Variants in MPPE1 observed in about 807,000 individuals in gnomAD.
MPPE1 encodes the protein metallo phosphoesterase.
Under a neutral mutation model 43.8 loss-of-function variants are expected in MPPE1, and 28 were observed. The ratio of observed to expected loss-of-function variants is 0.64; its 90% CI spans 0.47 to 0.88. The LOEUF (loss-of-function observed/expected upper bound fraction) is 0.88, where lower values mean the gene tolerates loss of function less well. Ranked by LOEUF, MPPE1 falls within the 40% of genes least tolerant of loss-of-function variation. The probability of loss-of-function intolerance (pLI) is 0.00; values close to 1 mark genes in which losing one functional copy is unlikely to be tolerated. For synonymous variants in MPPE1, 159 were observed against 188.5 expected (o/e 0.84, Z 1.28); for missense variants, 428 against 492.2 (o/e 0.87, Z 1.23).
At position 11,883,052 on chromosome 18, in the gene MPPE1, C is replaced by T. The variant is rs2036750090; in HGVS notation, c.*1393G>A. The T allele has an allele frequency of 6.6e-6, 1 of 151,580 alleles. No homozygotes were observed. The highest frequency in any genetic ancestry group is 6.6e-5 in the Admixed American group (1 of 15,178). The allele number at this position is 151,580 out of a possible 1,614,324, so 9.4% of individuals were successfully genotyped here. ...GACAGCCTACATTACTTCATTATTA[C>T]TCTTCTTTTAGTCTTTAGTCTTTAA... On this transcript the variant is annotated 3_prime_UTR_variant, in exon 11 of 11. Coordinates refer to ENST00000588072, the MANE Select transcript of MPPE1 (RefSeq NM_023075.6).
In MPPE1 at chr18:11,885,090, G is replaced by A. The variant is rs113926454; in HGVS notation, c.1009-463C>T. The A allele has an allele frequency of 3.5e-3, 4,328 of 1,253,034 alleles. 16 individuals are homozygous for A. Among genetic ancestry groups the A allele is most frequent in the African/African-American group, 0.016 (1,010 of 64,308 alleles). 77.6% of individuals were successfully genotyped at this position (1,253,034 alleles called of 1,614,324 possible). On this transcript the variant is annotated intron_variant, in intron 10 of 10. Transcript: ENST00000588072. ...TCGTCTCCATGGGCTTTTCTTTGCA[G>A]ATACTTTTATGTGGAACAACAGTGG... is the stretch of plus-strand genomic sequence containing the variant.
chr18:11,884,690 A>G, intron 10 of MPPE1, 63 bp from the exon 11 acceptor site: 1 of 1,528,666 alleles, frequency 6.5e-7, no homozygotes, highest in South Asian at 1.2e-5. Context: ...CCGCAGTCTT[A>G]GAAACAGCAG....
chr18:11,890,994 A>AT (rs553374940), intron 4 of MPPE1, among the ~76,000 whole-genome samples: 418 of 152,202 alleles, frequency 2.7e-3, no homozygotes, highest in African/African-American at 9.4e-3. Flanking sequence ...TGTAGTTCTT[A>AT]TTTTATAAAG....
rs2036843612 is a variant in MPPE1 at position 11,884,219 on chromosome 18, A to G, written c.*226T>C. 1.9e-6 allele frequency: 1 copy of G among 523,710 alleles called. No individual in the cohort carries two copies. Among genetic ancestry groups the G allele is most frequent in the Non-Finnish European group, 3.4e-6 (1 of 291,474 alleles). 32.4% of individuals were successfully genotyped at this position (523,710 alleles called of 1,614,324 possible). On this transcript the variant is annotated 3_prime_UTR_variant, in exon 11 of 11. Coordinates refer to ENST00000588072, the MANE Select transcript of MPPE1 (RefSeq NM_023075.6). ...CAACCTTTGATGATACATATATTTGATAAAAATGAGAAAACAGATTTGTTG... is the reference window on the plus strand; with the variant it reads ...CAACCTTTGATGATACATATATTTGGTAAAAATGAGAAAACAGATTTGTTG...
intron 4 of MPPE1, among the ~76,000 whole-genome samples, chr18:11,890,960 A>G (rs926066831): frequency 1.3e-5 from 2 of 152,244 alleles, no homozygotes; most frequent in African/African-American, 4.8e-5. Context: ...TGCTTTAACT[A>G]TTAAAACTTC....
intron 2 of MPPE1, among the ~76,000 whole-genome samples, chr18:11,903,482 G>A (rs1165312184): frequency 1.3e-5 from 2 of 152,168 alleles, no homozygotes; most frequent in Admixed American, 6.5e-5. Flanking sequence ...CCAGAAGTGG[G>A]TCAGCCTATA....
chr18:11,899,676 G>A (rs957732003), intron 2 of MPPE1, among the ~76,000 whole-genome samples: 1 of 152,166 alleles, frequency 6.6e-6, no homozygotes, highest in Non-Finnish European at 1.5e-5. Flanking sequence ...GAGTTCAGAT[G>A]TCAGAGAAGC....
chr18:11,894,517 G>C (rs1449610402), intron 3 of MPPE1, among the ~76,000 whole-genome samples: 1 of 150,384 alleles, frequency 6.6e-6, no homozygotes, highest in African/African-American at 2.4e-5. Context: ...CCATTGAAAA[G>C]CTGTGAGGCT....
At chr18:11,899,869 G>T (rs2038959714) in intron 2 of MPPE1, among the ~76,000 whole-genome samples, 1 of 152,208 alleles carries the variant, frequency 6.6e-6, no homozygotes, top group Non-Finnish European at 1.5e-5. Context: ...AATCACCTCT[G>T]TGAAATGCAT....
intron 10 of MPPE1, chr18:11,885,152 G>C (rs2036998477): frequency 1.2e-6 from 1 of 862,810 alleles, no homozygotes; most frequent in Non-Finnish European, 1.5e-6. Context: ...GAAAATGTTA[G>C]GGTTTCCTCC....
chr18:11,884,583 G>C lies in MPPE1; in HGVS notation c.1053C>G (p.Leu351=), dbSNP rs2036891928. ...TGATCAAAACCACATCCTCACGTGG[G>C]AGGTAGCACTTGGAGAGGGTGTAGT... is the stretch of plus-strand genomic sequence containing the variant. ...PTDYTLSKCY[L]PREDVVLIIY... Residue 351 remains leucine (L), a synonymous_variant, in exon 11 of 11, where the codon CTC becomes CTG. Transcript: ENST00000588072. 3 of 1,613,964 alleles carry C rather than the reference G, an allele frequency of 1.9e-6. No individual in the cohort carries two copies. In the South Asian group the frequency reaches 3.3e-5, roughly 18 times the overall value.
intron 4 of MPPE1, among the ~76,000 whole-genome samples, chr18:11,892,556 C>G (rs2038124595): frequency 6.6e-6 from 1 of 151,490 alleles, no homozygotes. Context: ...TGCCTGTAAT[C>G]CTAGCACACA....
intron 2 of MPPE1, among the ~76,000 whole-genome samples, chr18:11,899,467 T>C (rs918701659): frequency 2.6e-5 from 4 of 152,234 alleles, no homozygotes; most frequent in African/African-American, 9.6e-5. Flanking sequence ...TTCAAAATTT[T>C]TATGGATTCA....
intron 9 of MPPE1, 97 bp from the exon 10 acceptor site, chr18:11,885,913 C>A (rs659485): frequency 0.091 from 112,016 of 1,228,466 alleles, 7,639 homozygotes; most frequent in African/African-American, 0.31. Context: ...CGCTTCTTTC[C>A]TTAAATTACA....
chr18:11,892,750 A>G (rs1183821168), intron 4 of MPPE1, among the ~76,000 whole-genome samples: 1 of 152,096 alleles, frequency 6.6e-6, no homozygotes, highest in Non-Finnish European at 1.5e-5. Context: ...TTTTTATACT[A>G]TACCCCAAAT....
In MPPE1 at chr18:11,906,230, T is replaced by A. The variant is rs2039701013; in HGVS notation, c.-120A>T. The A allele has an allele frequency of 6.6e-6, 1 of 152,230 alleles. No homozygotes were observed. The highest frequency in any genetic ancestry group is 2.1e-4 in the South Asian group (1 of 4,822). The allele number at this position is 152,230 out of a possible 1,614,324, so 9.4% of individuals were successfully genotyped here. On this transcript the variant is annotated 5_prime_UTR_variant, in exon 2 of 11. It removes the in-frame stop codon of an upstream open reading frame in the 5' UTR. Transcript: ENST00000588072. ...ATAATTTTCCAGGAAAATCACCAAG[T>A]CACCTCATCTTTTAAAGACAGAGAG...
At chr18:11,894,621 G>A (rs560639856) in intron 3 of MPPE1, among the ~76,000 whole-genome samples, 4 of 151,670 alleles carry the variant, frequency 2.6e-5, no homozygotes, top group South Asian at 2.1e-4. Context: ...ATGCAGTTTC[G>A]CTCTTGTTGC....
rs1040535341 is a variant in MPPE1 at position 11,883,406 on chromosome 18, A to T, written c.*1039T>A. 1.3e-5 allele frequency: 2 copies of T among 153,324 alleles called. No individual in the cohort carries two copies. Among genetic ancestry groups the T allele is most frequent in the African/African-American group, 4.8e-5 (2 of 41,446 alleles). The allele number at this position is 153,324 out of a possible 1,614,324, so 9.5% of individuals were successfully genotyped here. ...CTCAACAATTACCCTCTAACTAAACATCCTGTTTAAGAGTTTAATTCAAAC... is the reference window on the plus strand; with the variant it reads ...CTCAACAATTACCCTCTAACTAAACTTCCTGTTTAAGAGTTTAATTCAAAC... On this transcript the variant is annotated 3_prime_UTR_variant, in exon 11 of 11. Coordinates refer to ENST00000588072, the MANE Select transcript of MPPE1 (RefSeq NM_023075.6).
intron 3 of MPPE1, among the ~76,000 whole-genome samples, chr18:11,896,087 TC>T (rs1389310332): frequency 6.8e-6 from 1 of 147,300 alleles, no homozygotes; most frequent in African/African-American, 2.5e-5. Flanking sequence ...TTATTCTTAT[TC>T]TTTATTCTTT....
Sources: allele counts gnomAD v4.1 joint callset (sites outside exome capture counted in the v4.1 genomes callset), GRCh38; gene constraint gnomAD v4.1.1; transcripts MANE v1.5; gene names NCBI Gene and HGNC (gene_info 2026-07-23, HGNC 2026-07-21).